The following DAPK3 variants were observed in gnomAD, a reference collection of about 807,000 sequenced individuals.
DAPK3 encodes the protein death associated protein kinase 3, also known as death-associated protein kinase 3.
Under a neutral mutation model 30.6 loss-of-function variants are expected in DAPK3, and 24 were observed. The ratio of observed to expected loss-of-function variants is 0.78; its 90% CI spans 0.57 to 1.10. DAPK3 has a LOEUF of 1.10. Among genes scored for constraint, DAPK3 ranks in the 50% least tolerant of loss-of-function variants. The pLI, the probability that DAPK3 is intolerant of heterozygous loss-of-function variation, is 0.00. For missense variants in DAPK3, 629 were observed against 657.3 expected, an observed-to-expected ratio of 0.96 and a Z score of 0.47; for synonymous variants, 341 against 284.0, an observed-to-expected ratio of 1.20 and a Z score of -2.02.
intron 3 of DAPK3, 92 bp from the exon 4 acceptor site, chr19:3,964,465 C>T (rs1167186879): frequency 8.8e-7 from 1 of 1,130,484 alleles, no homozygotes; most frequent in East Asian, 2.9e-5. Flanking sequence ...CTCCCCGCAA[C>T]CTCACCCCCA....
In DAPK3 at chr19:3,964,896, C is replaced by T. The variant is rs1196349982; in HGVS notation, c.158G>A (p.Arg53Gln). The T allele has an allele frequency of 6.2e-7, 1 of 1,612,408 alleles. No homozygotes were observed. The highest frequency in any genetic ancestry group is 8.5e-7 in the Non-Finnish European group (1 of 1,178,622). The change falls in exon 3 of 9, where the codon CGG becomes CAG. Residue 53 changes from arginine (R) to glutamine (Q), a missense_variant. Transcript: ENST00000545797. ...FIKKRRLSSS[R>Q]RGVSREEIER... ...GATCTCCTCCCGGCTCACCCCACGC[C>T]GGCTGGATGACAGGCGGCGCTTCTT...
At chr19:3,963,775 C>G in intron 5 of DAPK3, 96 bp downstream of exon 5, 1 of 1,246,456 alleles carries the variant, frequency 8.0e-7, no homozygotes, top group Non-Finnish European at 1.1e-6. Context: ...CCCCCATACC[C>G]CAACAGCAGC....
Position 3,958,914 on chromosome 19 carries a change from C to A in DAPK3, c.*187G>T. ...CGTGGAGGCTGTGTAGAGAAGCAGC[C>A]CCGTCCCACACCCACCCCTGCCTGC... On this transcript the variant is annotated 3_prime_UTR_variant, in exon 9 of 9. Transcript: ENST00000545797. The A allele has an allele frequency of 3.4e-6, 2 of 583,362 alleles. No homozygotes were observed. The highest frequency in any genetic ancestry group is 6.1e-6 in the Non-Finnish European group (2 of 329,794). The allele number at this position is 583,362 out of a possible 1,614,324, so 36.1% of individuals were successfully genotyped here. A position where few individuals can be genotyped will look rare whatever the true frequency, so the allele number is the denominator to read the frequency against.
Position 3,959,360 on chromosome 19 carries a change from T to G in DAPK3, c.1106A>C (p.Glu369Ala). 6.3e-7 allele frequency: 1 copy of G among 1,584,900 alleles called. No homozygotes were observed. Residue 369 changes from glutamate to alanine, a missense_variant, in exon 9 of 9, where the codon GAG (glutamate) becomes GCG (alanine). Physicochemically the swap from Glu to Ala is moderately radical, Grantham distance 107. Transcript: ENST00000545797. Reference protein sequence around the residue: ...IYEEKEAWYREESDSLGQDLR... With the variant: ...IYEEKEAWYRAESDSLGQDLR... ...GTCCTGGCCCAGGCTGTCGCTCTCCTCGCGGTACCAGGCCTCCTTCTCCTC... is the reference window on the plus strand; with the variant it reads ...GTCCTGGCCCAGGCTGTCGCTCTCCGCGCGGTACCAGGCCTCCTTCTCCTC...
intron 2 of DAPK3, among the ~76,000 whole-genome samples, chr19:3,969,188 T>A (rs2039610020): frequency 6.6e-6 from 1 of 152,038 alleles, no homozygotes; most frequent in Non-Finnish European, 1.5e-5. Context: ...CAGGCTACAG[T>A]GCAGTGGCAC....
chr19:3,962,210 T>TAA (rs937032136), intron 6 of DAPK3, among the ~76,000 whole-genome samples: 1 of 152,200 alleles, frequency 6.6e-6, no homozygotes, highest in Non-Finnish European at 1.5e-5. Flanking sequence ...TTGGTGTTCA[T>TAA]AACGTTCGTG....
At chr19:3,963,596 A>G in intron 6 of DAPK3, 47 bp downstream of exon 6, 2 of 1,311,760 alleles carry the variant, frequency 1.5e-6, no homozygotes, top group Non-Finnish European at 2.1e-6. Context: ...CCGGGGACCC[A>G]TGCCAGCTGT....
Position 3,960,056 on chromosome 19 carries a change from T to A in DAPK3, c.828+3A>T, listed in dbSNP as rs2039491237. On this transcript the variant is annotated splice_donor_region_variant and intron_variant, in intron 8 of 8. Coordinates refer to ENST00000545797, the MANE Select transcript of DAPK3 (RefSeq NM_001348.3). Reference sequence around the variant, plus strand: ...CAGGGAGCTCCCCCACCTCCCCACTTACCTTAATCCAGGAATGTTCCAGGC... The same window carrying A: ...CAGGGAGCTCCCCCACCTCCCCACTAACCTTAATCCAGGAATGTTCCAGGC... 1 of 1,525,546 alleles carries A rather than the reference T, an allele frequency of 6.6e-7. No homozygotes were observed. Among genetic ancestry groups the A allele is most frequent in the Non-Finnish European group, 9.1e-7 (1 of 1,099,744 alleles). 94.5% of individuals were successfully genotyped at this position (1,525,546 alleles called of 1,614,324 possible).
At chr19:3,964,460 CGCAACCT>C in intron 3 of DAPK3, 87 bp from the exon 4 acceptor site, 1 of 952,804 alleles carries the variant, frequency 1.0e-6, no homozygotes, top group Non-Finnish European at 1.4e-6. Context: ...TCACGCTCCC[CGCAACCT>C]CACCCCCACG....
intron 6 of DAPK3, chr19:3,961,417 G>GT (rs748326664): frequency 6.3e-6 from 4 of 630,662 alleles, no homozygotes; most frequent in Non-Finnish European, 1.2e-5. Context: ...GAGACTCGAA[G>GT]TATCTGTGCA....
chr19:3,960,812 A>AG, intron 7 of DAPK3, among the ~76,000 whole-genome samples, 197 bp downstream of exon 7: 1 of 151,042 alleles, frequency 6.6e-6, no homozygotes, highest in African/African-American at 2.4e-5. Context: ...TCAAAAAAAA[A>AG]AAAAAAAAAA....
Position 3,969,667 on chromosome 19 carries a change from A to C in DAPK3, c.62+7T>G. On this transcript the variant is annotated splice_region_variant and intron_variant, in intron 2 of 8. Transcript: ENST00000545797. ...CTGGAGCCCAGCCGTGCGGGCAGAC[A>C]GCTCACCTGCCCAGCTCCTCCCCCA... The C allele has an allele frequency of 6.3e-7, 1 of 1,592,612 alleles. No individual in the cohort carries two copies. Among genetic ancestry groups the C allele is most frequent in the Non-Finnish European group, 8.6e-7 (1 of 1,161,396 alleles).
chr19:3,960,170 A>C, intron 7 of DAPK3, 66 bp from the exon 8 acceptor site: 1 of 858,238 alleles, frequency 1.2e-6, no homozygotes, highest in Admixed American at 2.0e-5. Flanking sequence ...TGAACAACTG[A>C]CTCCCGGGAC....
intron 8 of DAPK3, 44 bp downstream of exon 8, chr19:3,960,015 G>A (rs753159381): frequency 7.2e-6 from 8 of 1,107,768 alleles, no homozygotes; most frequent in Admixed American, 5.1e-5. Context: ...CAGCGAGAAG[G>A]CCAAGGCGGG....
At chr19:3,969,982 TG>T in intron 1 of DAPK3, 153 bp from the exon 2 acceptor site, 1 of 544,382 alleles carries the variant, frequency 1.8e-6, no homozygotes, top group South Asian at 2.5e-5. Context: ...TTTACTGGGC[TG>T]GGTCCTGTCA....
At position 3,959,162 on chromosome 19, in the gene DAPK3, T is replaced by C; in HGVS notation, c.1304A>G (p.Gln435Arg). Reference sequence around the variant, plus strand: ...CTGCTCCAGGGCGCGCACGAGGTCCTGCACGAAGCGCATCTCGGAGGCTAC... The same window carrying C: ...CTGCTCCAGGGCGCGCACGAGGTCCCGCACGAAGCGCATCTCGGAGGCTAC... ...KQVASEMRFV[Q>R]DLVRALEQEK... The change falls in exon 9 of 9, where the codon CAG (glutamine) becomes CGG (arginine). Residue 435 changes from glutamine (Q) to arginine (R), a missense_variant. Gln to Arg is a conservative substitution (Grantham distance 43). This residue lies in a region of DAPK3 where 323 missense variants were observed against 278.8 expected (regional missense o/e 1.16). Coordinates refer to ENST00000545797, the MANE Select transcript of DAPK3 (RefSeq NM_001348.3). 4.4e-6 allele frequency: 7 copies of C among 1,594,508 alleles called. No individual in the cohort carries two copies. The South Asian group carries it at 7.8e-5, about 18-fold the overall frequency.
chr19:3,962,891 A>G (rs941935432), intron 6 of DAPK3, among the ~76,000 whole-genome samples: 5 of 151,746 alleles, frequency 3.3e-5, no homozygotes, highest in African/African-American at 1.2e-4. Context: ...ACCTGAGGTC[A>G]GGAGTTCAAA....
chr19:3,959,729 C>A, intron 8 of DAPK3, 92 bp from the exon 9 acceptor site: 1 of 1,359,284 alleles, frequency 7.4e-7, no homozygotes, highest in Non-Finnish European at 9.8e-7. Context: ...TTCAGGGGCT[C>A]ATCCGGCAGC....
chr19:3,960,877 C>A (rs1480640007), intron 7 of DAPK3, 132 bp downstream of exon 7: 25 of 902,882 alleles, frequency 2.8e-5, no homozygotes, highest in Non-Finnish European at 4.2e-5. Flanking sequence ...TCTCTCCAGC[C>A]CAAGGGGTAA....
Sources: gnomAD v4.1 joint callset for allele counts (sites outside exome capture counted in the v4.1 genomes callset) on GRCh38, gnomAD v4.1.1 for gene constraint, gnomAD v4.1.1 regional missense constraint, MANE v1.5 for transcripts, NCBI Gene and HGNC (gene_info 2026-07-23, HGNC 2026-07-21) for gene names.